MSRA: variants seen among roughly 807,000 people sequenced by gnomAD.
MSRA encodes methionine sulfoxide reductase A.
Under a neutral mutation model 31.3 loss-of-function variants are expected in MSRA, and 54 were observed. The observed-to-expected ratio is 1.73, with a 90% CI of 1.39 to 2.17. The LOEUF (loss-of-function observed/expected upper bound fraction) is 2.17. MSRA is among the 30% of genes most tolerant of loss of function. The pLI is 0.00. For missense variants in MSRA, 507 were observed against 300.9 expected (o/e 1.69, Z -5.07); for synonymous variants, 169 against 116.5 (o/e 1.45, Z -2.90).
chr8:10,300,486 C>T (rs1585405214), intron 3 of MSRA, among the ~76,000 whole-genome samples: 1 of 152,128 alleles, frequency 6.6e-6, no homozygotes, highest in South Asian at 2.1e-4. Flanking sequence ...GAACTCCTGA[C>T]CTCAAGTGAT....
chr8:10,270,441 C>A (rs1009527828), intron 3 of MSRA, among the ~76,000 whole-genome samples: 5 of 150,878 alleles, frequency 3.3e-5, no homozygotes, highest in Admixed American at 6.6e-5. Context: ...CTACTAGGTG[C>A]CTTATTTGTG....
At chr8:10,241,877 C>A (rs1317449239) in intron 2 of MSRA, among the ~76,000 whole-genome samples, 1 of 152,182 alleles carries the variant, frequency 6.6e-6, no homozygotes, top group Non-Finnish European at 1.5e-5. Flanking sequence ...AGAACACAGT[C>A]CTCAGAATCC....
intron 5 of MSRA, among the ~76,000 whole-genome samples, chr8:10,341,971 T>A (rs1380835558): frequency 6.6e-6 from 1 of 152,158 alleles, no homozygotes; most frequent in Non-Finnish European, 1.5e-5. Context: ...GCCTCTTGTG[T>A]GCTAGGCTCC....
intron 1 of MSRA, among the ~76,000 whole-genome samples, chr8:10,154,097 C>T (rs1803946085): frequency 6.6e-6 from 1 of 152,132 alleles, no homozygotes; most frequent in Admixed American, 6.5e-5. Context: ...GTATCCTTAA[C>T]CCATAATATA....
chr8:10,300,905 A>C (rs1053162644), intron 3 of MSRA, among the ~76,000 whole-genome samples: 7 of 152,092 alleles, frequency 4.6e-5, no homozygotes, highest in African/African-American at 1.7e-4. Context: ...CTTACAGAGG[A>C]TCCTGCAAGT....
chr8:10,228,780 C>A (rs1811215547), intron 2 of MSRA, among the ~76,000 whole-genome samples: 2 of 152,224 alleles, frequency 1.3e-5, no homozygotes, highest in South Asian at 4.1e-4. Context: ...CTAGTAGCAT[C>A]TTCCTTGTAG....
intron 1 of MSRA, among the ~76,000 whole-genome samples, chr8:10,128,344 A>C (rs1443853860): frequency 6.6e-6 from 1 of 151,662 alleles, no homozygotes; most frequent in Non-Finnish European, 1.5e-5. Context: ...GCACCATTGC[A>C]CTCCAGCCTG....
chr8:10,376,302 A>G (rs1805752625), intron 5 of MSRA, among the ~76,000 whole-genome samples: 1 of 152,236 alleles, frequency 6.6e-6, no homozygotes, highest in Non-Finnish European at 1.5e-5. Flanking sequence ...CAATGCAGCC[A>G]GGAACAGCAA....
chr8:10,093,476 T>C (rs1288996583), intron 1 of MSRA, among the ~76,000 whole-genome samples: 1 of 152,208 alleles, frequency 6.6e-6, no homozygotes, highest in Non-Finnish European at 1.5e-5. Context: ...ATTCCTTCTT[T>C]ACTCTTATTG....
rs77351010 is a variant in MSRA at position 10,093,718 on chromosome 8, A to G, written c.142+39060A>G. ...TGCAGTTACCTTTATACTTACTCCT[A>G]TATTTCTTCATTGATTTGATTTACT... On this transcript the variant is annotated intron_variant, in intron 1 of 5. Coordinates refer to ENST00000317173, the MANE Select transcript of MSRA (RefSeq NM_012331.5). Among the ~76,000 whole-genome samples, 775 of 152,268 alleles carry G rather than the reference A, an allele frequency of 5.1e-3. 6 individuals carry two copies. Among genetic ancestry groups the G allele is most frequent in the Non-Finnish European group, 7.8e-3 (528 of 68,004 alleles).
intron 3 of MSRA, among the ~76,000 whole-genome samples, chr8:10,288,015 G>C (rs186350002): frequency 1.3e-5 from 2 of 152,202 alleles, no homozygotes; most frequent in Non-Finnish European, 2.9e-5. Context: ...CAGAGCTCAT[G>C]CTAGGGTTTA....
intron 1 of MSRA, among the ~76,000 whole-genome samples, chr8:10,100,586 T>C (rs541782976): frequency 6.6e-6 from 1 of 152,040 alleles, no homozygotes; most frequent in East Asian, 1.9e-4. Flanking sequence ...GGAGGATGAG[T>C]AAGTAGAAAT....
At chr8:10,260,453 A>G (rs972692417) in intron 3 of MSRA, among the ~76,000 whole-genome samples, 72 of 152,224 alleles carry the variant, frequency 4.7e-4, no homozygotes, top group African/African-American at 1.7e-3. Flanking sequence ...CCACGACTCT[A>G]GCGGCACACG....
At chr8:10,410,877 C>G (rs1167551426) in intron 5 of MSRA, among the ~76,000 whole-genome samples, 1 of 152,170 alleles carries the variant, frequency 6.6e-6, no homozygotes, top group Non-Finnish European at 1.5e-5. Flanking sequence ...TGAGGGAGTT[C>G]CAGTTCTTCC....
At chr8:10,255,914 C>T (rs929732880) in intron 3 of MSRA, among the ~76,000 whole-genome samples, 2 of 152,056 alleles carry the variant, frequency 1.3e-5, no homozygotes, top group Admixed American at 6.5e-5. Context: ...TCCCATCTAT[C>T]CCATCCCCCC....
chr8:10,290,023 A>T (rs1057269058), intron 3 of MSRA, among the ~76,000 whole-genome samples: 12 of 152,224 alleles, frequency 7.9e-5, no homozygotes, highest in Non-Finnish European at 1.8e-4. Context: ...GATAGGACAG[A>T]TATTAGTATG....
intron 1 of MSRA, among the ~76,000 whole-genome samples, chr8:10,173,058 T>C (rs1805737266): frequency 6.6e-6 from 1 of 152,160 alleles, no homozygotes. Context: ...ATAAAGACCA[T>C]TTAAAATAGC....
At chr8:10,096,408 G>A (rs1482698308) in intron 1 of MSRA, 7 of 479,250 alleles carry the variant, frequency 1.5e-5, no homozygotes, top group Non-Finnish European at 1.9e-5. Flanking sequence ...AGAGATGTAT[G>A]CGATTAGTGA....
At chr8:10,331,427 C>T (rs1802693822) in intron 5 of MSRA, among the ~76,000 whole-genome samples, 1 of 152,188 alleles carries the variant, frequency 6.6e-6, no homozygotes, top group Non-Finnish European at 1.5e-5. Flanking sequence ...TCGGTGCTTT[C>T]TCCTGTATTT....
Sources: allele counts gnomAD v4.1 joint callset (sites outside exome capture counted in the v4.1 genomes callset), GRCh38; gene constraint gnomAD v4.1.1; transcripts MANE v1.5; gene names NCBI Gene and HGNC (gene_info 2026-07-23, HGNC 2026-07-21).